The following CLSTN2 variants were observed in gnomAD, a reference collection of about 807,000 sequenced individuals.
CLSTN2 encodes calsyntenin 2, also known as calsyntenin-2.
CLSTN2 carries 48 observed loss-of-function variants against 101.2 expected under a neutral mutation model. The observed-to-expected ratio is 0.47, with a 90% CI of 0.38 to 0.60. The LOEUF is 0.60. Ranked by LOEUF, CLSTN2 falls within the 20% of genes least tolerant of loss-of-function variation. The pLI, the probability that CLSTN2 is intolerant of heterozygous loss-of-function variation, is 0.00. For synonymous variants in CLSTN2, 481 were observed against 463.6 expected (o/e 1.04, Z -0.48); for missense variants, 1,160 against 1,238.2 (o/e 0.94, Z 0.95).
intron 5 of CLSTN2, among the ~76,000 whole-genome samples, chr3:140,438,523 T>A (rs62266407): frequency 1.4e-5 from 2 of 140,742 alleles, no homozygotes; most frequent in African/African-American, 5.5e-5. Context: ...AAAGTATACA[T>A]AAGCCATCTT....
At chr3:140,450,507 T>C (rs1359496803) in intron 6 of CLSTN2, among the ~76,000 whole-genome samples, 1 of 152,110 alleles carries the variant, frequency 6.6e-6, no homozygotes, top group Non-Finnish European at 1.5e-5. Context: ...CCCAAAATAC[T>C]CAGGAACTCA....
intron 2 of CLSTN2, among the ~76,000 whole-genome samples, chr3:140,363,965 G>A (rs1220695033): frequency 6.6e-6 from 1 of 152,218 alleles, no homozygotes; most frequent in Admixed American, 6.5e-5. Flanking sequence ...GAGGTGATAA[G>A]TTACAGGATG....
At chr3:140,201,340 T>C (rs759532934) in intron 2 of CLSTN2, among the ~76,000 whole-genome samples, 2 of 151,764 alleles carry the variant, frequency 1.3e-5, no homozygotes, top group East Asian at 1.9e-4. Flanking sequence ...GGGAGAAAAA[T>C]GGGGCCTTGT....
intron 1 of CLSTN2, among the ~76,000 whole-genome samples, chr3:140,170,989 G>A (rs1021953602): frequency 3.3e-5 from 5 of 152,152 alleles, no homozygotes; most frequent in Non-Finnish European, 1.5e-5. Context: ...ATTTAGATAG[G>A]CACAATGAAT....
At chr3:140,423,300 A>G (rs2088526044) in intron 5 of CLSTN2, among the ~76,000 whole-genome samples, 1 of 152,190 alleles carries the variant, frequency 6.6e-6, no homozygotes, top group Admixed American at 6.5e-5. Flanking sequence ...GCTCTGGACA[A>G]ATCTTGTTGG....
chr3:140,415,126 T>C (rs965265347), intron 4 of CLSTN2, among the ~76,000 whole-genome samples: 1 of 150,508 alleles, frequency 6.6e-6, no homozygotes, highest in Non-Finnish European at 1.5e-5. Flanking sequence ...AAAAACTGGA[T>C]ATCCACAAGC....
At chr3:140,214,449 G>C (rs2107848468) in intron 2 of CLSTN2, among the ~76,000 whole-genome samples, 1 of 78,790 alleles carries the variant, frequency 1.3e-5, no homozygotes, top group Non-Finnish European at 2.4e-5. Flanking sequence ...GTGAGACTCT[G>C]TCTTAAAAAA....
chr3:140,557,606 G>T (rs986735232), intron 11 of CLSTN2, among the ~76,000 whole-genome samples: 1 of 152,288 alleles, frequency 6.6e-6, no homozygotes, highest in East Asian at 1.9e-4. Flanking sequence ...CTGGGAAGAG[G>T]AGGAGGCCAC....
chr3:140,572,973 A>T lies in CLSTN2; in HGVS notation c.*6720A>T, dbSNP rs1985604841. On this transcript the variant is annotated 3_prime_UTR_variant, in exon 17 of 17. Coordinates refer to ENST00000458420, the MANE Select transcript of CLSTN2 (RefSeq NM_022131.3). ...CCGCATCCTTCACCTGCCCTTGGGC[A>T]TGAGACAATTCCTGCCTGCCTGCCC... 1 of 152,390 alleles carries T rather than the reference A, an allele frequency of 6.6e-6. No individual in the cohort carries two copies. The highest frequency in any genetic ancestry group is 1.5e-5 in the Non-Finnish European group (1 of 68,196). 9.4% of individuals were successfully genotyped at this position (152,390 alleles called of 1,614,324 possible).
intron 1 of CLSTN2, among the ~76,000 whole-genome samples, chr3:140,055,827 T>A (rs1452763721): frequency 6.6e-6 from 1 of 152,028 alleles, no homozygotes; most frequent in Non-Finnish European, 1.5e-5. Flanking sequence ...CACAATAATG[T>A]GTAAAAGAAG....
At chr3:140,115,738 A>G (rs564650112) in intron 1 of CLSTN2, among the ~76,000 whole-genome samples, 4 of 152,302 alleles carry the variant, frequency 2.6e-5, no homozygotes, top group Non-Finnish European at 1.5e-5. Flanking sequence ...GATGGGTTGA[A>G]ACTTTAAGGA....
chr3:140,487,039 A>G (rs981426796), intron 8 of CLSTN2, among the ~76,000 whole-genome samples: 8 of 152,196 alleles, frequency 5.3e-5, no homozygotes, highest in East Asian at 1.9e-4. Flanking sequence ...GACCTGTGCT[A>G]AGGCCCCAAG....
intron 1 of CLSTN2, among the ~76,000 whole-genome samples, chr3:140,111,204 T>G (rs552354882): frequency 5.3e-5 from 8 of 152,136 alleles, no homozygotes; most frequent in Admixed American, 1.3e-4. Flanking sequence ...GCTTTGTATT[T>G]GCCCCTTTCC....
intron 5 of CLSTN2, among the ~76,000 whole-genome samples, chr3:140,431,516 T>A (rs1219716615): frequency 1.3e-5 from 2 of 152,232 alleles, no homozygotes; most frequent in East Asian, 3.8e-4. Context: ...TGGCTCAGCT[T>A]CTTCCTCTAC....
At chr3:140,469,420 C>T (rs1042129982) in intron 8 of CLSTN2, among the ~76,000 whole-genome samples, 4 of 152,242 alleles carry the variant, frequency 2.6e-5, no homozygotes, top group African/African-American at 9.6e-5. Context: ...ACCCAGAGAC[C>T]CCTCTTTCTC....
chr3:140,134,060 C>T (rs946881935), intron 1 of CLSTN2, among the ~76,000 whole-genome samples: 10 of 152,168 alleles, frequency 6.6e-5, no homozygotes, highest in African/African-American at 9.6e-5. Flanking sequence ...TCCCTCCCAT[C>T]CATGATCCTT....
intron 1 of CLSTN2, among the ~76,000 whole-genome samples, chr3:139,987,723 C>G (rs1482260865): frequency 6.6e-6 from 1 of 152,184 alleles, no homozygotes; most frequent in Non-Finnish European, 1.5e-5. Context: ...CCTCCCATGT[C>G]CTTGATCTTC....
At chr3:140,116,708 A>G (rs2009249133) in intron 1 of CLSTN2, among the ~76,000 whole-genome samples, 2 of 151,994 alleles carry the variant, frequency 1.3e-5, no homozygotes, top group Non-Finnish European at 2.9e-5. Flanking sequence ...ATATCCCTAT[A>G]TTACCTAAAT....
At chr3:140,102,369 G>C (rs900976155) in intron 1 of CLSTN2, among the ~76,000 whole-genome samples, 1 of 152,212 alleles carries the variant, frequency 6.6e-6, no homozygotes, top group Non-Finnish European at 1.5e-5. Context: ...AGCCTGTTGT[G>C]CTCAGACATT....
Sources: gnomAD v4.1 joint callset for allele counts (sites outside exome capture counted in the v4.1 genomes callset) on GRCh38, gnomAD v4.1.1 for gene constraint, MANE v1.5 for transcripts, NCBI Gene and HGNC (gene_info 2026-07-23, HGNC 2026-07-21) for gene names.